Variants in LIMCH1 observed in about 807,000 individuals in gnomAD.
The protein encoded by LIMCH1 is LIM and calponin homology domains 1, also known as LIM and calponin homology domains-containing protein 1.
LIMCH1 carries 113 observed loss-of-function variants against 176.5 expected under a neutral mutation model. That is an observed-to-expected ratio of 0.64 (90% CI 0.55 to 0.75). The LOEUF is 0.75. Among genes scored for constraint, LIMCH1 ranks in the 30% least tolerant of loss-of-function variants. The pLI is 0.00. For synonymous variants in LIMCH1, 619 were observed against 645.9 expected (o/e 0.96, Z 0.63); for missense variants, 1,674 against 1,814.9 (o/e 0.92, Z 1.41).
intron 1 of LIMCH1, among the ~76,000 whole-genome samples, chr4:41,387,786 C>T (rs1645276056): frequency 6.6e-6 from 1 of 152,138 alleles, no homozygotes; most frequent in African/African-American, 2.4e-5. Flanking sequence ...ACAAATTTTG[C>T]CAGTCAAAAC....
intron 1 of LIMCH1, among the ~76,000 whole-genome samples, chr4:41,482,245 T>C (rs1031491766): frequency 6.6e-6 from 1 of 152,222 alleles, no homozygotes; most frequent in Non-Finnish European, 1.5e-5. Flanking sequence ...AGGTCAGTAC[T>C]ACATGTAAAA....
rs745681391 is a variant in LIMCH1, at chr4:41,646,508, A to T, written c.2435A>T (p.His812Leu). 1 of 1,613,836 alleles carries T rather than the reference A, an allele frequency of 6.2e-7. No homozygotes were observed. The highest frequency in any genetic ancestry group is 8.5e-7 in the Non-Finnish European group (1 of 1,179,860). ...AGAGAGCGGAGAGAGAGAGAGCTGC[A>T]TGAAGCATATAAGAACGCTCGGTCC... Reference protein sequence around the residue: ...QEKERRERELHEAYKNARSQE... With the variant: ...QEKERRERELLEAYKNARSQE... Residue 812 changes from histidine to leucine, a missense_variant, in exon 17 of 32, where the codon CAT becomes CTT. Physicochemically the swap from His to Leu is moderately conservative, Grantham distance 99. Coordinates refer to ENST00000503057, the MANE Select transcript of LIMCH1 (RefSeq NM_001330672.2).
chr4:41,535,162 CAAAAAA>C (rs61639965), upstream of LIMCH1, among the ~76,000 whole-genome samples: 5 of 83,982 alleles, frequency 6.0e-5, no homozygotes, highest in Non-Finnish European at 1.0e-4. Context: ...GACCCTGTCA[CAAAAAA>C]AAAAAAAAAA....
At chr4:41,519,189 G>A (rs2075881066) in intron 2 of LIMCH1, among the ~76,000 whole-genome samples, 1 of 152,190 alleles carries the variant, frequency 6.6e-6, no homozygotes, top group African/African-American at 2.4e-5. Context: ...AGACACGTAT[G>A]TGCACCATTC....
In LIMCH1 at chr4:41,518,926, C is replaced by T. The variant is rs553239357; in HGVS notation, c.168-5483C>T. Among the ~76,000 whole-genome samples, 49 of 151,814 alleles carry T rather than the reference C, an allele frequency of 3.2e-4. No homozygotes were observed. In the South Asian group the frequency reaches 7.1e-3, roughly 22 times the overall value. On this transcript the variant is annotated intron_variant, in intron 2 of 26. Coordinates refer to the LIMCH1 transcript ENST00000313860. ...AAGGACATGAACACATTTTTTTTTA[C>T]GGCTGCATAGTATTCCATGGTGTAT...
intron 2 of LIMCH1, among the ~76,000 whole-genome samples, chr4:41,519,990 G>T (rs1404464489): frequency 6.6e-6 from 1 of 152,100 alleles, no homozygotes; most frequent in Non-Finnish European, 1.5e-5. Flanking sequence ...TAAGTTATTG[G>T]TGATGTTTTA....
chr4:41,606,765 A>T (rs1194765042), intron 4 of LIMCH1, among the ~76,000 whole-genome samples: 1 of 152,114 alleles, frequency 6.6e-6, no homozygotes, highest in Non-Finnish European at 1.5e-5. Context: ...TGTACAGGTA[A>T]GGCTTATTTA....
intron 2 of LIMCH1, among the ~76,000 whole-genome samples, chr4:41,505,341 G>A (rs2074009771): frequency 6.6e-6 from 1 of 152,216 alleles, no homozygotes; most frequent in Non-Finnish European, 1.5e-5. Context: ...TGTGCACCCA[G>A]TGGCTCGCTC....
intron 13 of LIMCH1, among the ~76,000 whole-genome samples, chr4:41,638,106 TTGTTGTTG>T (rs375145045): frequency 0.29 from 40,062 of 138,062 alleles, 5,560 homozygotes; most frequent in African/African-American, 0.38. Flanking sequence ...TGTTGTTTTG[TTGTTGTTG>T]TTGTTGTTGT....
intron 1 of LIMCH1, among the ~76,000 whole-genome samples, chr4:41,574,793 G>T (rs1216644751): frequency 6.6e-6 from 1 of 152,150 alleles, no homozygotes; most frequent in Non-Finnish European, 1.5e-5. Flanking sequence ...AGCGAAATAG[G>T]TTGGGCACTT....
At chr4:41,422,160 C>CAATGGTGCT (rs1223678873) in intron 1 of LIMCH1, among the ~76,000 whole-genome samples, 45 of 152,148 alleles carry the variant, frequency 3.0e-4, no homozygotes, top group African/African-American at 1.0e-3. Context: ...TGCTGTCATT[C>CAATGGTGCT]GTCAAATATA....
intron 1 of LIMCH1, among the ~76,000 whole-genome samples, chr4:41,464,662 C>T (rs2065867134): frequency 1.3e-5 from 2 of 152,136 alleles, no homozygotes; most frequent in Admixed American, 6.5e-5. Flanking sequence ...GCGTGAACTA[C>T]CAGGCCTGCC....
At chr4:41,565,603 A>G (rs917526050) in intron 1 of LIMCH1, among the ~76,000 whole-genome samples, 5 of 152,036 alleles carry the variant, frequency 3.3e-5, no homozygotes, top group Non-Finnish European at 5.9e-5. Flanking sequence ...GAAGAATTCC[A>G]AGATGTTTAA....
chr4:41,671,966 C>CAT (rs1392715840), intron 22 of LIMCH1, among the ~76,000 whole-genome samples: 3 of 149,944 alleles, frequency 2.0e-5, no homozygotes, highest in Non-Finnish European at 4.4e-5. Context: ...AATTAAAAGT[C>CAT]ATATATAACG....
At chr4:41,403,354 G>A (rs2058658850) in intron 1 of LIMCH1, among the ~76,000 whole-genome samples, 2 of 152,156 alleles carry the variant, frequency 1.3e-5, no homozygotes, top group Non-Finnish European at 2.9e-5. Flanking sequence ...GCTGAGGCAA[G>A]CGGATCACTT....
At chr4:41,535,119 G>A (rs550712304), upstream of LIMCH1, among the ~76,000 whole-genome samples, 6 of 142,636 alleles carry the variant, frequency 4.2e-5, no homozygotes, top group African/African-American at 1.6e-4. Context: ...CTTTGAATGT[G>A]CCACTGGACT....
intron 3 of LIMCH1, 112 bp downstream of exon 3, chr4:41,604,017 GT>G: frequency 9.7e-7 from 1 of 1,027,276 alleles, no homozygotes; most frequent in Non-Finnish European, 1.5e-6. Context: ...AAAAGTATAT[GT>G]GTATTTCATA....
intron 1 of LIMCH1, among the ~76,000 whole-genome samples, chr4:41,415,730 C>A (rs1380655226): frequency 6.6e-6 from 1 of 152,140 alleles, no homozygotes; most frequent in Non-Finnish European, 1.5e-5. Context: ...GTAATCCCAG[C>A]ACTTTGGGAG....
rs1726738428 is a variant in LIMCH1, at chr4:41,692,362, T to C, written c.4356T>C (p.Asn1452=). ...VRIRNGLLNC[N]DCYMRSRSAG... is the part of the protein sequence containing the mutation. ...TTCGAAATGGTCTCCTGAACTGTAA[T>C]GATTGCTACATGCGATCCAGAAGTA... The change falls in exon 31 of 32, where the codon AAT becomes AAC. Residue 1452 remains asparagine (N), a synonymous_variant. Coordinates refer to ENST00000503057, the MANE Select transcript of LIMCH1 (RefSeq NM_001330672.2). 1 of 1,611,484 alleles carries C rather than the reference T, an allele frequency of 6.2e-7. No homozygotes were observed. Among genetic ancestry groups the C allele is most frequent in the Non-Finnish European group, 8.5e-7 (1 of 1,177,716 alleles).
Sources: gnomAD v4.1 joint callset for allele counts (sites outside exome capture counted in the v4.1 genomes callset) on GRCh38, gnomAD v4.1.1 for gene constraint, MANE v1.5 for transcripts, NCBI Gene and HGNC (gene_info 2026-07-23, HGNC 2026-07-21) for gene names.